CDKN3: variants seen among roughly 807,000 people sequenced by gnomAD.
CDKN3 encodes the protein cyclin dependent kinase inhibitor 3.
Under a neutral mutation model 36.1 loss-of-function variants are expected in CDKN3, and 19 were observed. That is an observed-to-expected ratio of 0.53 (90% CI 0.37 to 0.77). The LOEUF (loss-of-function observed/expected upper bound fraction) is 0.77, where lower values mean the gene tolerates loss of function less well. CDKN3 is among the 30% of genes least tolerant of loss of function. CDKN3 has a pLI of 0.00. For missense variants in CDKN3, 188 were observed against 248.6 expected (o/e 0.76, Z 1.64); for synonymous variants, 71 against 85.3 (o/e 0.83, Z 0.92).
At chr14:54,409,890 CA>C (rs550669317) in intron 4 of CDKN3, among the ~76,000 whole-genome samples, 2,890 of 117,428 alleles carry the variant, frequency 0.025, 39 homozygotes, top group Non-Finnish European at 0.033. Flanking sequence ...GACCCTGCCT[CA>C]AAAAAAAAAA....
At position 54,417,942 on chromosome 14, in the gene CDKN3, G is replaced by T; in HGVS notation, c.543G>T (p.Gln181His). 1.3e-6 allele frequency: 2 copies of T among 1,578,370 alleles called. No homozygotes were observed. Among genetic ancestry groups the T allele is most frequent in the South Asian group, 2.3e-5 (2 of 86,702 alleles). The change falls in exon 7 of 8, where the codon CAG (glutamine) becomes CAT (histidine). Residue 181 changes from glutamine to histidine, a missense_variant. By Grantham distance (24) the Gln-to-His change is conservative (BLOSUM62 0). Coordinates refer to ENST00000335183, the MANE Select transcript of CDKN3 (RefSeq NM_005192.4). Reference sequence around the variant, plus strand: ...ACCTAAGAGGATCCGGGGCAATACAGACCATCAAGGTGAGGAGGTGGGCGG... The same window carrying T: ...ACCTAAGAGGATCCGGGGCAATACATACCATCAAGGTGAGGAGGTGGGCGG... ...LRDLRGSGAI[Q>H]TIKQYNYLHE...
At chr14:54,399,071 T>G (rs1273469842) in intron 1 of CDKN3, among the ~76,000 whole-genome samples, 1 of 137,346 alleles carries the variant, frequency 7.3e-6, no homozygotes, top group Admixed American at 8.4e-5. Flanking sequence ...CTGCAACCTC[T>G]GCCTCCTGGG....
chr14:54,401,110 T>A (rs2029922024), intron 2 of CDKN3, among the ~76,000 whole-genome samples: 1 of 152,210 alleles, frequency 6.6e-6, no homozygotes, highest in Admixed American at 6.5e-5. Flanking sequence ...GGCATTATTA[T>A]CTTTAAGGTA....
chr14:54,418,539 A>G (rs4251669), intron 7 of CDKN3: 4,335 of 381,204 alleles, frequency 0.011, 185 homozygotes, highest in African/African-American at 0.081. Context: ...TACTGAAAAG[A>G]TTCTGCAGAT....
At chr14:54,415,099 T>C (rs2030494533) in intron 5 of CDKN3, among the ~76,000 whole-genome samples, 1 of 152,174 alleles carries the variant, frequency 6.6e-6, no homozygotes, top group Non-Finnish European at 1.5e-5. Context: ...TTAGGAAGCA[T>C]GTAATACATT....
chr14:54,402,270 C>T (rs1232939955), intron 3 of CDKN3, among the ~76,000 whole-genome samples: 1 of 150,018 alleles, frequency 6.7e-6, no homozygotes, highest in Admixed American at 6.7e-5. Context: ...CCATTTTGTT[C>T]CTTTTCATGG....
At chr14:54,411,903 G>T (rs2030369995) in intron 5 of CDKN3, 197 bp downstream of exon 5, 1 of 616,982 alleles carries the variant, frequency 1.6e-6, no homozygotes, top group African/African-American at 1.8e-5. Context: ...TACTTTTCAA[G>T]AGTAGGGACA....
intron 1 of CDKN3, among the ~76,000 whole-genome samples, chr14:54,399,238 G>A (rs568998941): frequency 3.3e-5 from 5 of 152,092 alleles, no homozygotes; most frequent in African/African-American, 9.6e-5. Flanking sequence ...GCCCAACTTC[G>A]CCTCCCAGAG....
rs531400420 is a variant in CDKN3, at chr14:54,416,874, C to T, written c.448+944C>T. Among the ~76,000 whole-genome samples the T allele has an allele frequency of 2.0e-5, 3 of 152,064 alleles. No individual in the cohort carries two copies. In the East Asian group the frequency reaches 5.8e-4, roughly 29 times the overall value. Reference sequence around the variant, plus strand: ...ATAACTGAAAAATGGGCAAAGTATCCGAATAAACCTTTCTACATGCAAGAT... The same window carrying T: ...ATAACTGAAAAATGGGCAAAGTATCTGAATAAACCTTTCTACATGCAAGAT... On this transcript the variant is annotated intron_variant, in intron 6 of 7. Coordinates refer to ENST00000335183, the MANE Select transcript of CDKN3 (RefSeq NM_005192.4).
chr14:54,411,950 T>C (rs2030371124), intron 5 of CDKN3: 1 of 565,148 alleles, frequency 1.8e-6, no homozygotes, highest in Non-Finnish European at 3.1e-6. Context: ...AGAACAAGGT[T>C]ACAAGCTTTT....
intron 2 of CDKN3, among the ~76,000 whole-genome samples, 191 bp from the exon 3 acceptor site, chr14:54,401,333 A>G (rs1489766201): frequency 6.6e-6 from 1 of 152,138 alleles, no homozygotes; most frequent in African/African-American, 2.4e-5. Flanking sequence ...CCCTGTTTTA[A>G]AACTTTGTCT....
chr14:54,413,681 A>G (rs982874723), intron 5 of CDKN3: 67 of 1,535,222 alleles, frequency 4.4e-5, no homozygotes, highest in Non-Finnish European at 5.7e-5. Context: ...ACACTTCTAG[A>G]CAGCTATAGA....
intron 2 of CDKN3, among the ~76,000 whole-genome samples, chr14:54,400,335 CA>C (rs1315989300): frequency 3.3e-5 from 5 of 150,894 alleles, no homozygotes; most frequent in Admixed American, 3.3e-4. Context: ...CATTTAGTAT[CA>C]AAATCTACTT....
chr14:54,403,134 T>C (rs921225389), intron 3 of CDKN3, among the ~76,000 whole-genome samples: 2 of 152,146 alleles, frequency 1.3e-5, no homozygotes, highest in African/African-American at 4.8e-5. Context: ...TATAAATTAC[T>C]TTGGGCAGTA....
At chr14:54,405,926 A>T (rs186764089) in intron 3 of CDKN3, among the ~76,000 whole-genome samples, 3 of 152,318 alleles carry the variant, frequency 2.0e-5, no homozygotes, top group Admixed American at 2.0e-4. Context: ...CAGTTTCTTC[A>T]TAGCGTTGAT....
chr14:54,408,822 GT>G, intron 4 of CDKN3, 33 bp downstream of exon 4: 1 of 1,520,436 alleles, frequency 6.6e-7, no homozygotes, highest in Non-Finnish European at 8.7e-7. Flanking sequence ...ACACTCATGG[GT>G]TTTTTAAATG....
rs372311882 is a variant in CDKN3, at chr14:54,408,781, A to G, written c.185A>G (p.Lys62Arg). ...KFKDVRRNVQ[K>R]DTEELKSCGI... ...AAAGATGTTAGAAGAAATGTCCAAA[A>G]AGATACAGGTAGGTATAATATCACG... is the stretch of plus-strand genomic sequence containing the variant. The change falls in exon 4 of 8, where the codon AAA becomes AGA. Residue 62 changes from lysine to arginine, a missense_variant. Lys to Arg is a conservative substitution (Grantham distance 26, BLOSUM62 2). Coordinates refer to ENST00000335183, the MANE Select transcript of CDKN3 (RefSeq NM_005192.4). 11 of 1,577,248 alleles carry G rather than the reference A, an allele frequency of 7.0e-6. No individual in the cohort carries two copies. In the African/African-American group the frequency reaches 1.4e-4, roughly 20 times the overall value.
At chr14:54,418,420 T>C (rs2030620673) in intron 7 of CDKN3, 1 of 617,370 alleles carries the variant, frequency 1.6e-6, no homozygotes, top group Non-Finnish European at 2.9e-6. Context: ...TGGAAAGCAG[T>C]GCTAATTATC....
chr14:54,400,237 T>TATACTATAGA (rs1555361415), intron 2 of CDKN3, among the ~76,000 whole-genome samples: 1 of 142,318 alleles, frequency 7.0e-6, no homozygotes, highest in East Asian at 2.1e-4. Context: ...ATTTACTCTT[T>TATACTATAGA]ATAAGACCCT....
Sources: allele counts gnomAD v4.1 joint callset (sites outside exome capture counted in the v4.1 genomes callset), GRCh38; gene constraint gnomAD v4.1.1; transcripts MANE v1.5; gene names NCBI Gene and HGNC (gene_info 2026-07-23, HGNC 2026-07-21).